The following PTPRD variants were observed in gnomAD, a reference collection of about 807,000 sequenced individuals.
PTPRD encodes protein tyrosine phosphatase receptor type D, also known as receptor-type tyrosine-protein phosphatase delta.
Under a neutral mutation model 214.5 loss-of-function variants are expected in PTPRD, and 34 were observed. That is an observed-to-expected ratio of 0.16 (90% CI 0.12 to 0.21). PTPRD has a LOEUF of 0.21. PTPRD is among the 10% of genes least tolerant of loss of function. The probability of loss-of-function intolerance (pLI) is 1.00; values close to 1 mark genes in which losing one functional copy is unlikely to be tolerated. For missense variants in PTPRD, 2,545 were observed against 2,398.7 expected (o/e 1.06, Z -1.27); for synonymous variants, 1,128 against 845.7 (o/e 1.33, Z -5.79).
At chr9:9,162,145 A>C (rs189629951) in intron 10 of PTPRD, among the ~76,000 whole-genome samples, 67 of 152,206 alleles carry the variant, frequency 4.4e-4, no homozygotes, top group African/African-American at 1.6e-3. Flanking sequence ...AAAATTCCTC[A>C]CAGTGAGATT....
chr9:9,772,119 C>T (rs991969307), intron 5 of PTPRD, among the ~76,000 whole-genome samples: 1 of 151,980 alleles, frequency 6.6e-6, no homozygotes, highest in Non-Finnish European at 1.5e-5. Context: ...TAAAATAATG[C>T]CATTAGTTTG....
chr9:9,990,068 C>T (rs145335042), intron 4 of PTPRD, among the ~76,000 whole-genome samples: 67 of 152,292 alleles, frequency 4.4e-4, no homozygotes, highest in African/African-American at 1.3e-3. Flanking sequence ...CTCGGACTTT[C>T]CTCTGAGCTA....
intron 11 of PTPRD, among the ~76,000 whole-genome samples, chr9:8,818,409 T>C (rs979391318): frequency 6.6e-6 from 1 of 152,170 alleles, no homozygotes; most frequent in African/African-American, 2.4e-5. Flanking sequence ...TTAACAATAA[T>C]AATAGTAAGA....
At chr9:9,258,156 C>T (rs938600664) in intron 9 of PTPRD, among the ~76,000 whole-genome samples, 1 of 151,668 alleles carries the variant, frequency 6.6e-6, no homozygotes, top group Non-Finnish European at 1.5e-5. Flanking sequence ...AACAGAACTG[C>T]CATAAACATT....
chr9:9,988,503 A>C (rs1173792484), intron 4 of PTPRD, among the ~76,000 whole-genome samples: 1 of 152,190 alleles, frequency 6.6e-6, no homozygotes, highest in Non-Finnish European at 1.5e-5. Flanking sequence ...CTGTATTTTT[A>C]GGTTTACATT....
At chr9:9,882,383 C>T (rs958989934) in intron 5 of PTPRD, among the ~76,000 whole-genome samples, 4 of 152,042 alleles carry the variant, frequency 2.6e-5, no homozygotes, top group Admixed American at 1.3e-4. Flanking sequence ...ATTTGGCCAA[C>T]GCTTGGTCAA....
At chr9:9,137,681 T>A (rs1413276549) in intron 10 of PTPRD, among the ~76,000 whole-genome samples, 1 of 152,148 alleles carries the variant, frequency 6.6e-6, no homozygotes, top group Non-Finnish European at 1.5e-5. Flanking sequence ...AAAATGTTAA[T>A]CAAATCAAAA....
intron 4 of PTPRD, among the ~76,000 whole-genome samples, chr9:9,990,703 G>A (rs1195736095): frequency 1.3e-5 from 2 of 152,184 alleles, no homozygotes; most frequent in African/African-American, 2.4e-5. Flanking sequence ...CTGTTGCATT[G>A]ATTTTCTTAA....
chr9:8,726,783 AGAGT>A (rs1178925210), intron 12 of PTPRD, among the ~76,000 whole-genome samples: 2 of 125,646 alleles, frequency 1.6e-5, no homozygotes, highest in East Asian at 2.4e-4. Context: ...CCTCGGTGAC[AGAGT>A]GAGACTCCAT....
chr9:8,783,321 T>G (rs989164170), intron 11 of PTPRD, among the ~76,000 whole-genome samples: 1 of 152,164 alleles, frequency 6.6e-6, no homozygotes, highest in Admixed American at 6.5e-5. Context: ...AGTTAAAGAC[T>G]TTTCCTAGTA....
In PTPRD at chr9:8,465,512, T is replaced by C; in HGVS notation, c.3668A>G (p.Gln1223Arg). The C allele has an allele frequency of 6.2e-7, 1 of 1,612,644 alleles. No individual in the cohort carries two copies. The highest frequency in any genetic ancestry group is 1.3e-5 in the African/African-American group (1 of 74,906). The change falls in exon 32 of 46, where the codon CAA (glutamine) becomes CGA (arginine). Residue 1223 changes from glutamine (Q) to arginine (R), a missense_variant. Physicochemically the swap from Gln to Arg is conservative, Grantham distance 43. Transcript: ENST00000381196. ...GFTNKQLQSG[Q>R]EYVFFVLAVM... ...TGCTAACACAAAGAAGACATATTCT[T>C]GACCACTTTGGAGTTGCTTGTTTGT...
chr9:8,318,379 C>T (rs1587238744), intron 45 of PTPRD, among the ~76,000 whole-genome samples: 1 of 152,068 alleles, frequency 6.6e-6, no homozygotes, highest in African/African-American at 2.4e-5. Flanking sequence ...CAGACACAAA[C>T]TGTCCTGAGA....
intron 11 of PTPRD, among the ~76,000 whole-genome samples, chr9:8,817,880 G>A (rs2096954545): frequency 6.6e-6 from 1 of 152,044 alleles, no homozygotes; most frequent in Non-Finnish European, 1.5e-5. Flanking sequence ...AGACTGGGTT[G>A]GAAATAATAA....
Position 10,060,908 on chromosome 9 carries a change from CT to C in PTPRD, c.-544-27119del, listed in dbSNP as rs1567408780. The stretch of plus-strand genomic sequence containing the variant: ...TCCTTCCTTCCTTCCTTCTTTCTTT[CT>C]TTCTTTCTTTCTTTCTTTCTTTCTT... On this transcript the variant is annotated intron_variant, in intron 3 of 45. Coordinates refer to ENST00000381196, the MANE Select transcript of PTPRD (RefSeq NM_002839.4). Among the ~76,000 whole-genome samples, 16 of 95,316 alleles carry C rather than the reference CT, an allele frequency of 1.7e-4. 2 individuals are homozygous for C. Among genetic ancestry groups the C allele is most frequent in the African/African-American group, 1.3e-3 (15 of 11,342 alleles). The allele number at this position is 95,316 out of a possible 152,430, so 62.5% of individuals were successfully genotyped here.
intron 33 of PTPRD, among the ~76,000 whole-genome samples, chr9:8,450,238 T>G (rs1334761467): frequency 3.9e-5 from 6 of 152,192 alleles, no homozygotes; most frequent in African/African-American, 1.4e-4. Context: ...ATAGAGAAAC[T>G]ACCTGACCTT....
At chr9:8,471,116 T>C (rs2134958705) in intron 30 of PTPRD, 31 bp from the exon 31 acceptor site, 1 of 1,594,598 alleles carries the variant, frequency 6.3e-7, no homozygotes, top group Non-Finnish European at 8.6e-7. Flanking sequence ...AAAAGTTAGG[T>C]TAGTTGAAAG....
At chr9:8,546,032 C>G (rs1015536614) in intron 14 of PTPRD, among the ~76,000 whole-genome samples, 1 of 152,188 alleles carries the variant, frequency 6.6e-6, no homozygotes, top group Non-Finnish European at 1.5e-5. Flanking sequence ...CCTATTTAGC[C>G]TTAACACAGA....
Position 9,722,494 on chromosome 9 carries a change from A to T in PTPRD, c.-287+12039T>A, listed in dbSNP as rs1037309799. On this transcript the variant is annotated intron_variant, in intron 7 of 45. Transcript: ENST00000381196. ...ATTGATGGACATTGTGATTGTTTCT[A>T]TTTTTTAGCTGTTATGAATAATGTT... Among the ~76,000 whole-genome samples the T allele has an allele frequency of 2.0e-5, 3 of 152,098 alleles. No homozygotes were observed. The East Asian group carries it at 5.8e-4, about 29-fold the overall frequency.
intron 11 of PTPRD, chr9:8,861,266 T>C (rs1395615533): frequency 2.0e-5 from 3 of 152,206 alleles, no homozygotes; most frequent in African/African-American, 7.2e-5. Context: ...ACTTGTATTA[T>C]GTACTAAGCA....
Sources: gnomAD v4.1 joint callset for allele counts (sites outside exome capture counted in the v4.1 genomes callset) on GRCh38, gnomAD v4.1.1 for gene constraint, MANE v1.5 for transcripts, NCBI Gene and HGNC (gene_info 2026-07-23, HGNC 2026-07-21) for gene names.